Variants in ETV6 observed in about 807,000 individuals in gnomAD.
ETV6 encodes transcription factor ETV6.
In ETV6, 16 loss-of-function variants were observed where a neutral mutation model predicts 51.1. The observed-to-expected ratio is 0.31, with a 90% CI of 0.21 to 0.48. ETV6 has a LOEUF of 0.48. Among genes scored for constraint, ETV6 ranks in the 20% least tolerant of loss-of-function variants. The pLI is 0.99. For missense variants in ETV6, 458 were observed against 594.8 expected, an observed-to-expected ratio of 0.77 and a Z score of 2.39; for synonymous variants, 240 against 224.1, an observed-to-expected ratio of 1.07 and a Z score of -0.64.
At chr12:11,716,519 A>G (rs188024172) in intron 1 of ETV6, 2 of 152,034 alleles carry the variant, frequency 1.3e-5, no homozygotes, top group Non-Finnish European at 2.9e-5. Flanking sequence ...AAGGTGGTTC[A>G]CTTTTGGCTG....
At chr12:11,747,380 C>T (rs1865927738) in intron 1 of ETV6, among the ~76,000 whole-genome samples, 1 of 152,152 alleles carries the variant, frequency 6.6e-6, no homozygotes, top group Non-Finnish European at 1.5e-5. Context: ...TCTTGGATGT[C>T]TAAACCATCT....
intron 3 of ETV6, among the ~76,000 whole-genome samples, chr12:11,848,307 C>T (rs530073558): frequency 1.4e-3 from 217 of 152,302 alleles, no homozygotes; most frequent in African/African-American, 4.9e-3. Flanking sequence ...TAAGGGCATA[C>T]AGCTGACAAA....
chr12:11,666,629 C>T (rs1864200078), intron 1 of ETV6, among the ~76,000 whole-genome samples: 1 of 152,224 alleles, frequency 6.6e-6, no homozygotes, highest in Non-Finnish European at 1.5e-5. Flanking sequence ...GGGCCTTCCA[C>T]ACAAGCCTGA....
At chr12:11,833,133 G>A (rs902089644) in intron 2 of ETV6, among the ~76,000 whole-genome samples, 1 of 152,198 alleles carries the variant, frequency 6.6e-6, no homozygotes, top group African/African-American at 2.4e-5. Flanking sequence ...TTCAGGTAGG[G>A]TGAGATTATA....
chr12:11,866,553 C>T (rs1233154858), intron 4 of ETV6, among the ~76,000 whole-genome samples: 2 of 152,164 alleles, frequency 1.3e-5, no homozygotes, highest in Non-Finnish European at 2.9e-5. Flanking sequence ...CATGGTCTTA[C>T]GTTTCATTAG....
intron 2 of ETV6, among the ~76,000 whole-genome samples, chr12:11,762,980 C>T (rs563114719): frequency 6.6e-6 from 1 of 152,286 alleles, no homozygotes; most frequent in South Asian, 2.1e-4. Flanking sequence ...ACTCTTTCTC[C>T]TTCCTCCTCC....
chr12:11,703,576 A>G (rs1207946803), intron 1 of ETV6, among the ~76,000 whole-genome samples: 1 of 152,178 alleles, frequency 6.6e-6, no homozygotes, highest in Admixed American at 6.5e-5. Flanking sequence ...CCTAGCGGCC[A>G]TGTTTCCATT....
At chr12:11,811,990 C>G (rs939426974) in intron 2 of ETV6, among the ~76,000 whole-genome samples, 9 of 152,212 alleles carry the variant, frequency 5.9e-5, no homozygotes, top group Admixed American at 2.0e-4. Flanking sequence ...TGTCTAAAAG[C>G]ATCGCTTTGC....
rs187204156 is a variant in ETV6 at position 11,878,084 on chromosome 12, C to T, written c.1010-6361C>T. Reference sequence around the variant, plus strand: ...TTCCTTGGAGATTTACTTTTGTGCTCCTGCTTCCCCTCCCTGAAGCTTTGC... The same window carrying T: ...TTCCTTGGAGATTTACTTTTGTGCTTCTGCTTCCCCTCCCTGAAGCTTTGC... On this transcript the variant is annotated intron_variant, in intron 5 of 7. Coordinates refer to ENST00000396373, the MANE Select transcript of ETV6 (RefSeq NM_001987.5). Among the ~76,000 whole-genome samples the T allele has an allele frequency of 3.2e-3, 485 of 152,220 alleles. 6 individuals are homozygous for T. Among genetic ancestry groups the T allele is most frequent in the Non-Finnish European group, 3.1e-3 (213 of 68,012 alleles).
In ETV6 at chr12:11,828,465, A is replaced by G. The variant is rs1183978038; in HGVS notation, c.164-10675A>G. The stretch of plus-strand genomic sequence containing the variant: ...TCTCTCTTTTCTGTTTTTCTCCCTG[A>G]AATATCAGGAGAGACATATATCTCT... On this transcript the variant is annotated intron_variant, in intron 2 of 7. Transcript: ENST00000396373. 2.0e-5 allele frequency among the ~76,000 whole-genome samples: 3 copies of G among 152,204 alleles called. No individual in the cohort carries two copies. In the South Asian group the frequency reaches 6.2e-4, roughly 32 times the overall value.
chr12:11,725,492 A>T (rs1251621661), intron 1 of ETV6, among the ~76,000 whole-genome samples: 1 of 152,176 alleles, frequency 6.6e-6, no homozygotes, highest in East Asian at 1.9e-4. Context: ...AAATTTCAGA[A>T]TCCTATTCTG....
chr12:11,662,489 C>T (rs1320824395), intron 1 of ETV6, among the ~76,000 whole-genome samples: 1 of 152,148 alleles, frequency 6.6e-6, no homozygotes, highest in Non-Finnish European at 1.5e-5. Flanking sequence ...TGTGTGCGTT[C>T]GTTGTTAGCC....
At chr12:11,724,023 C>T (rs940329625) in intron 1 of ETV6, among the ~76,000 whole-genome samples, 2 of 152,024 alleles carry the variant, frequency 1.3e-5, no homozygotes, top group Non-Finnish European at 2.9e-5. Context: ...GTGGCATACT[C>T]CCTCCCCCAC....
chr12:11,888,088 C>T (rs142296046), intron 7 of ETV6, among the ~76,000 whole-genome samples: 1 of 152,348 alleles, frequency 6.6e-6, no homozygotes, highest in African/African-American at 2.4e-5. Context: ...GATGTCTGGA[C>T]TTCATGATTC....
chr12:11,802,810 G>A (rs923952774), intron 2 of ETV6, among the ~76,000 whole-genome samples: 14 of 152,166 alleles, frequency 9.2e-5, no homozygotes, highest in Admixed American at 4.6e-4. Context: ...TGGGAATTCC[G>A]TAGGTTCCCA....
intron 1 of ETV6, among the ~76,000 whole-genome samples, chr12:11,725,391 A>G (rs2120947132): frequency 6.6e-6 from 1 of 152,240 alleles, no homozygotes; most frequent in South Asian, 2.1e-4. Context: ...CCTATTTTGT[A>G]ACAGACCAGG....
intron 3 of ETV6, chr12:11,840,522 C>T (rs1946374010): frequency 2.2e-6 from 1 of 456,020 alleles, no homozygotes; most frequent in Non-Finnish European, 4.4e-6. Flanking sequence ...TGGCATAGTC[C>T]CTAACTACGT....
intron 1 of ETV6, among the ~76,000 whole-genome samples, chr12:11,666,842 G>C (rs1864204319): frequency 6.6e-6 from 1 of 152,202 alleles, no homozygotes; most frequent in Admixed American, 6.5e-5. Context: ...CTGCCTGCCA[G>C]CCCTGCCAGA....
At chr12:11,820,826 C>T (rs1293044024) in intron 2 of ETV6, among the ~76,000 whole-genome samples, 1 of 152,148 alleles carries the variant, frequency 6.6e-6, no homozygotes, top group East Asian at 1.9e-4. Context: ...CATGATGAAA[C>T]TTACAAACAG....
Sources: gnomAD v4.1 joint callset for allele counts (sites outside exome capture counted in the v4.1 genomes callset) on GRCh38, gnomAD v4.1.1 for gene constraint, MANE v1.5 for transcripts, NCBI Gene and HGNC (gene_info 2026-07-23, HGNC 2026-07-21) for gene names.